SLC35F4: variants seen among roughly 807,000 people sequenced by gnomAD.
SLC35F4 encodes solute carrier family 35 member F4, also known as chromosome 14 open reading frame 36.
Under a neutral mutation model 44.2 loss-of-function variants are expected in SLC35F4, and 24 were observed. That is an observed-to-expected ratio of 0.54 (90% CI 0.39 to 0.76). The LOEUF (loss-of-function observed/expected upper bound fraction) is 0.76, where lower values mean the gene tolerates loss of function less well. Ranked by LOEUF, SLC35F4 falls within the 30% of genes least tolerant of loss-of-function variation. SLC35F4 has a pLI of 0.00. For synonymous variants in SLC35F4, 238 were observed against 223.6 expected (o/e 1.06, Z -0.57); for missense variants, 562 against 586.1 (o/e 0.96, Z 0.42).
At chr14:57,630,912 T>C in intron 1 of SLC35F4, 1 of 856,508 alleles carries the variant, frequency 1.2e-6, no homozygotes, top group Non-Finnish European at 1.4e-6. Flanking sequence ...TTGTGGTGTC[T>C]CTGTATATTT....
At chr14:57,688,885 T>C (rs2075144105) in intron 1 of SLC35F4, among the ~76,000 whole-genome samples, 1 of 152,316 alleles carries the variant, frequency 6.6e-6, no homozygotes, top group South Asian at 2.1e-4. Flanking sequence ...ACAATTCTAA[T>C]AGGCAATTAA....
chr14:57,799,738 A>G (rs1321648761), intron 1 of SLC35F4, among the ~76,000 whole-genome samples: 1 of 152,256 alleles, frequency 6.6e-6, no homozygotes, highest in East Asian at 1.9e-4. Context: ...CTGCCTTGCC[A>G]GATCATGGTC....
chr14:57,640,782 A>T (rs2140159353), intron 1 of SLC35F4, among the ~76,000 whole-genome samples: 1 of 152,148 alleles, frequency 6.6e-6, no homozygotes, highest in South Asian at 2.1e-4. Flanking sequence ...AGAAAAGATA[A>T]TCACTTTTTA....
At chr14:57,587,848 A>G (rs145074888) in intron 3 of SLC35F4, among the ~76,000 whole-genome samples, 1 of 149,342 alleles carries the variant, frequency 6.7e-6, no homozygotes, top group African/African-American at 2.5e-5. Context: ...ATGAATAAAG[A>G]ATAATTAGTA....
intron 1 of SLC35F4, among the ~76,000 whole-genome samples, chr14:57,909,788 C>G (rs1322818503): frequency 1.3e-5 from 2 of 152,008 alleles, no homozygotes; most frequent in African/African-American, 4.8e-5. Flanking sequence ...CATCTGTGTG[C>G]AGATTTTTAT....
chr14:57,851,372 G>C (rs1303450545), intron 1 of SLC35F4, among the ~76,000 whole-genome samples: 2 of 152,096 alleles, frequency 1.3e-5, no homozygotes, highest in African/African-American at 4.8e-5. Context: ...GAAAATGTTT[G>C]GTGTATATGT....
chr14:57,916,456 G>C (rs1449950194), intron 1 of SLC35F4, among the ~76,000 whole-genome samples: 2 of 152,076 alleles, frequency 1.3e-5, no homozygotes, highest in African/African-American at 4.8e-5. Flanking sequence ...CCAAGTGTAG[G>C]ATCTTTTTGG....
rs2141061991 is a variant in SLC35F4 at position 57,926,100 on chromosome 14, G to A, written n.282+55813C>T. Among the ~76,000 whole-genome samples the A allele has an allele frequency of 2.0e-5, 3 of 152,274 alleles. No homozygotes were observed. In the South Asian group the frequency reaches 6.2e-4, roughly 32 times the overall value. ...GTGGTTCACACTACCTGGCAGAATG[G>A]TTGACAGTATTAAGTAAGTAAATGC... On this transcript the variant is annotated intron_variant and non_coding_transcript_variant, in intron 1 of 1. Coordinates refer to the SLC35F4 transcript ENST00000556568.
chr14:57,589,897 C>G (rs2070047767), intron 2 of SLC35F4, among the ~76,000 whole-genome samples: 1 of 152,152 alleles, frequency 6.6e-6, no homozygotes, highest in Non-Finnish European at 1.5e-5. Context: ...CCATAAGAAG[C>G]CTTAGGAGGC....
chr14:57,622,508 T>C (rs2072238900), intron 1 of SLC35F4, among the ~76,000 whole-genome samples: 1 of 150,358 alleles, frequency 6.7e-6, no homozygotes, highest in Non-Finnish European at 1.5e-5. Context: ...TATGAGTTCA[T>C]GTCCTTTGTA....
chr14:57,807,740 CT>C (rs903756514), intron 1 of SLC35F4, among the ~76,000 whole-genome samples: 1 of 151,894 alleles, frequency 6.6e-6, no homozygotes, highest in African/African-American at 2.4e-5. Flanking sequence ...TTATTTATTA[CT>C]TTTTTTCTAT....
chr14:57,730,212 A>T, intron 1 of SLC35F4, among the ~76,000 whole-genome samples: 1 of 152,132 alleles, frequency 6.6e-6, no homozygotes, highest in Admixed American at 6.5e-5. Flanking sequence ...TTGTGAAAGT[A>T]CTTTTTTTTG....
At chr14:57,709,824 G>A (rs2075773458) in intron 1 of SLC35F4, among the ~76,000 whole-genome samples, 1 of 152,162 alleles carries the variant, frequency 6.6e-6, no homozygotes, top group African/African-American at 2.4e-5. Flanking sequence ...GCTCTTAAAA[G>A]CATTCAGTTT....
chr14:57,768,909 C>T (rs1207648659), intron 1 of SLC35F4, among the ~76,000 whole-genome samples: 2 of 152,232 alleles, frequency 1.3e-5, no homozygotes, highest in African/African-American at 2.4e-5. Context: ...TGTGCCACCA[C>T]GCCAGGCTAA....
At chr14:57,651,380 T>G (rs1293874477) in intron 1 of SLC35F4, among the ~76,000 whole-genome samples, 3 of 151,954 alleles carry the variant, frequency 2.0e-5, no homozygotes, top group African/African-American at 2.4e-5. Context: ...GGGAGTGAAG[T>G]GGGTCGGTGG....
chr14:57,641,961 A>G (rs1388705820), intron 1 of SLC35F4, among the ~76,000 whole-genome samples: 1 of 152,038 alleles, frequency 6.6e-6, no homozygotes, highest in African/African-American at 2.4e-5. Flanking sequence ...TGGATGTACT[A>G]TTGGGGATTG....
chr14:57,611,596 A>AC (rs2071510213), intron 1 of SLC35F4, among the ~76,000 whole-genome samples: 1 of 151,866 alleles, frequency 6.6e-6, no homozygotes, highest in South Asian at 2.1e-4. Context: ...AAAAAAAAAA[A>AC]AACAAAAAAA....
In SLC35F4 at chr14:57,675,733, G is replaced by A. The variant is rs117880014; in HGVS notation, c.104-81609C>T. Among the ~76,000 whole-genome samples the A allele has an allele frequency of 2.2e-4, 34 of 152,074 alleles. No homozygotes were observed. The East Asian group carries it at 5.6e-3, about 25-fold the overall frequency. ...GGGTTTTTATCATAAAGCAATGCTG[G>A]ATTTTAGCAAATGTTTTATCTGCAC... On this transcript the variant is annotated intron_variant, in intron 1 of 7. Transcript: ENST00000556826.
At chr14:57,636,872 A>G (rs1461034368) in intron 1 of SLC35F4, among the ~76,000 whole-genome samples, 1 of 152,128 alleles carries the variant, frequency 6.6e-6, no homozygotes, top group Non-Finnish European at 1.5e-5. Context: ...CACCTAGGCC[A>G]ACAGAGCCCT....
Sources: gnomAD v4.1 joint callset for allele counts (sites outside exome capture counted in the v4.1 genomes callset) on GRCh38, gnomAD v4.1.1 for gene constraint, MANE v1.5 for transcripts, NCBI Gene and HGNC (gene_info 2026-07-23, HGNC 2026-07-21) for gene names.